The following DYM variants were observed in gnomAD, a reference collection of about 807,000 sequenced individuals.
The protein encoded by DYM is dyggve-Melchior-Clausen syndrome protein.
Under a neutral mutation model 93.1 loss-of-function variants are expected in DYM, and 78 were observed. The observed-to-expected ratio is 0.84, with a 90% CI of 0.70 to 1.01. The LOEUF is 1.01. DYM is among the 50% of genes least tolerant of loss of function. The probability of loss-of-function intolerance (pLI) is 0.00; values close to 1 mark genes in which losing one functional copy is unlikely to be tolerated. For synonymous variants in DYM, 321 were observed against 319.7 expected, an observed-to-expected ratio of 1.00 and a Z score of -0.04; for missense variants, 789 against 845.0, an observed-to-expected ratio of 0.93 and a Z score of 0.82.
intron 16 of DYM, among the ~76,000 whole-genome samples, chr18:49,109,811 T>C (rs1363294775): frequency 1.3e-5 from 2 of 152,222 alleles, no homozygotes; most frequent in Non-Finnish European, 2.9e-5. Flanking sequence ...GATACAAATA[T>C]CTTTGAAAAG....
At chr18:49,126,533 C>T (rs1205221200) in intron 15 of DYM, 1 of 152,102 alleles carries the variant, frequency 6.6e-6, no homozygotes. Flanking sequence ...GAAGAAAAAT[C>T]ATGAATTTGG....
chr18:49,421,473 C>T (rs962789688), intron 2 of DYM, among the ~76,000 whole-genome samples: 8 of 152,098 alleles, frequency 5.3e-5, no homozygotes, highest in Non-Finnish European at 1.2e-4. Context: ...ACAGAAAGGA[C>T]ATCCACACCA....
Position 49,138,591 on chromosome 18 carries a change from T to G in DYM, c.1729-19665A>C, listed in dbSNP as rs867384074. On this transcript the variant is annotated intron_variant, in intron 15 of 17. Transcript: ENST00000675505. ...AACGTCTTCAGATTAACAGGCTAAT[T>G]GATGCAATTTAATCAGTTCTCCCAA... Among the ~76,000 whole-genome samples, 11 of 152,220 alleles carry G rather than the reference T, an allele frequency of 7.2e-5. No individual in the cohort carries two copies. In the Middle Eastern group the frequency reaches 0.01, roughly 141 times the overall value.
At chr18:49,238,921 A>G (rs765549019) in intron 13 of DYM, among the ~76,000 whole-genome samples, 7 of 152,264 alleles carry the variant, frequency 4.6e-5, no homozygotes, top group Non-Finnish European at 7.4e-5. Context: ...CACCCTCCAA[A>G]TGCTGCCCCT....
At chr18:49,409,271 G>A (rs1259773803) in intron 2 of DYM, among the ~76,000 whole-genome samples, 3 of 137,896 alleles carry the variant, frequency 2.2e-5, no homozygotes, top group African/African-American at 8.3e-5. Flanking sequence ...GTGACAGAGT[G>A]AGACTCTGTC....
At chr18:49,344,618 T>C (rs540200879) in intron 6 of DYM, among the ~76,000 whole-genome samples, 5 of 152,188 alleles carry the variant, frequency 3.3e-5, no homozygotes, top group Admixed American at 2.0e-4. Context: ...TAAATCATTT[T>C]TATGTAAGTT....
intron 8 of DYM, among the ~76,000 whole-genome samples, chr18:49,292,699 T>A (rs2060243776): frequency 6.6e-6 from 1 of 150,570 alleles, no homozygotes; most frequent in African/African-American, 2.4e-5. Context: ...AAAACCAAAT[T>A]CAGGATGGTT....
intron 17 of DYM, 103 bp from the exon 18 acceptor site, chr18:49,044,307 C>T: frequency 8.1e-7 from 1 of 1,233,750 alleles, no homozygotes; most frequent in Non-Finnish European, 1.2e-6. Flanking sequence ...AGCCCACCCA[C>T]CCCTGCCAAC....
rs531675812 is a variant in DYM at position 49,248,567 on chromosome 18, C to G, written c.1460+8443G>C. Among the ~76,000 whole-genome samples the G allele has an allele frequency of 5.3e-5, 8 of 151,896 alleles. 1 individual carries two copies. The East Asian group carries it at 1.5e-3, about 29-fold the overall frequency. On this transcript the variant is annotated intron_variant, in intron 13 of 17. Transcript: ENST00000675505. ...TTCTTACCATCAGATAATTCCTTCCCTAAAGAAATAATTTCCTGACTACAG... is the reference window on the plus strand; with the variant it reads ...TTCTTACCATCAGATAATTCCTTCCGTAAAGAAATAATTTCCTGACTACAG...
chr18:49,186,688 T>C (rs1303370016), intron 14 of DYM, among the ~76,000 whole-genome samples: 4 of 152,148 alleles, frequency 2.6e-5, no homozygotes, highest in Admixed American at 6.6e-5. Flanking sequence ...AGGTTCACCA[T>C]CTTCACTCAC....
chr18:49,337,909 C>T (rs1229546805), intron 6 of DYM, among the ~76,000 whole-genome samples: 1 of 151,820 alleles, frequency 6.6e-6, no homozygotes, highest in Non-Finnish European at 1.5e-5. Context: ...ACAAAAAGGT[C>T]TGGTAGTTTT....
intron 14 of DYM, among the ~76,000 whole-genome samples, chr18:49,168,569 CTG>C (rs755177042): frequency 2.0e-4 from 31 of 152,050 alleles, no homozygotes; most frequent in Non-Finnish European, 1.9e-4. Flanking sequence ...TGAAGCCAGA[CTG>C]TGAAGGGCCG....
chr18:49,202,534 A>G (rs1309953288), intron 14 of DYM, among the ~76,000 whole-genome samples: 1 of 126,794 alleles, frequency 7.9e-6, no homozygotes, highest in Non-Finnish European at 1.7e-5. Context: ...CCGCCATCCC[A>G]TCTAGGAAGT....
At chr18:49,366,212 T>A (rs770673854) in intron 5 of DYM, among the ~76,000 whole-genome samples, 44 of 152,354 alleles carry the variant, frequency 2.9e-4, no homozygotes, top group Non-Finnish European at 4.3e-4. Context: ...CCATTCATAT[T>A]GCATTATTTC....
intron 1 of DYM, among the ~76,000 whole-genome samples, chr18:49,435,207 CAAAAA>C (rs150003482): frequency 0.11 from 10,104 of 88,604 alleles, 472 homozygotes; most frequent in East Asian, 0.34. Context: ...GACTCCATCT[CAAAAA>C]AAAAAAAAAA....
At chr18:49,046,583 A>G (rs2144179724) in intron 17 of DYM, among the ~76,000 whole-genome samples, 1 of 151,498 alleles carries the variant, frequency 6.6e-6, no homozygotes, top group East Asian at 1.9e-4. Context: ...GAATTTTAAA[A>G]TAACATTTAC....
chr18:49,323,546 G>T (rs2062663746), intron 8 of DYM, among the ~76,000 whole-genome samples: 1 of 152,174 alleles, frequency 6.6e-6, no homozygotes, highest in African/African-American at 2.4e-5. Context: ...GAGCCCCCAT[G>T]ATGGGCTTAG....
intron 16 of DYM, among the ~76,000 whole-genome samples, chr18:49,107,114 CTT>C (rs2080901917): frequency 6.6e-6 from 1 of 151,796 alleles, no homozygotes; most frequent in Non-Finnish European, 1.5e-5. Context: ...TCTTTTTATT[CTT>C]TTTTCTCTAA....
At chr18:49,158,585 A>T (rs1016217416) in intron 15 of DYM, among the ~76,000 whole-genome samples, 1 of 152,158 alleles carries the variant, frequency 6.6e-6, no homozygotes, top group Admixed American at 6.5e-5. Context: ...TTCCAGAAAA[A>T]TCTTTAAGGG....
Sources: gnomAD v4.1 joint callset for allele counts (sites outside exome capture counted in the v4.1 genomes callset) on GRCh38, gnomAD v4.1.1 for gene constraint, MANE v1.5 for transcripts, NCBI Gene and HGNC (gene_info 2026-07-23, HGNC 2026-07-21) for gene names.